Variants in SPMIP7 observed in about 807,000 individuals in gnomAD.
SPMIP7 encodes the protein sperm microtubule inner protein 7.
At chr7:50,106,920 G>A in the SPMIP7 span, among the ~76,000 whole-genome samples, 4 of 152,018 alleles carry the variant, frequency 2.6e-5, no homozygotes, top group African/African-American at 4.8e-5. Flanking sequence ...GGCCAACATA[G>A]CAAAACCCCA....
the SPMIP7 span, among the ~76,000 whole-genome samples, chr7:50,150,658 C>G: frequency 6.6e-6 from 1 of 152,228 alleles, no homozygotes; most frequent in Non-Finnish European, 1.5e-5. Context: ...TGTAAACCAA[C>G]TTGTGTGCTA....
chr7:50,115,241 G>C, the SPMIP7 span, among the ~76,000 whole-genome samples: 1 of 151,830 alleles, frequency 6.6e-6, no homozygotes, highest in Non-Finnish European at 1.5e-5. Context: ...AATAGGAAAG[G>C]GATCAATCCA....
chr7:50,130,731 T>A, the SPMIP7 span, among the ~76,000 whole-genome samples: 1 of 151,782 alleles, frequency 6.6e-6, no homozygotes, highest in Non-Finnish European at 1.5e-5. Context: ...CCTCCCCAGG[T>A]GCTGAGGGGT....
chr7:50,117,456 T>C, the SPMIP7 span: 1 of 259,292 alleles, frequency 3.9e-6, no homozygotes, highest in East Asian at 9.4e-5. Flanking sequence ...AGACAAACTC[T>C]GTATTTGTCA....
chr7:50,131,736 T>A, the SPMIP7 span, among the ~76,000 whole-genome samples: 1 of 152,204 alleles, frequency 6.6e-6, no homozygotes, highest in Admixed American at 6.6e-5. Flanking sequence ...ATTCACATCA[T>A]GCAAATAGGT....
the SPMIP7 span, chr7:50,140,007 C>CACA: frequency 0.014 from 8,996 of 624,360 alleles, 105 homozygotes; most frequent in Admixed American, 0.023. Context: ...TGTTTAAAAT[C>CACA]ACAAACCTTT....
At chr7:50,118,486 T>C in the SPMIP7 span, among the ~76,000 whole-genome samples, 1 of 152,232 alleles carries the variant, frequency 6.6e-6, no homozygotes, top group South Asian at 2.1e-4. Flanking sequence ...TATTCAATTG[T>C]CATTTTCAGT....
At chr7:50,129,917 C>A in the SPMIP7 span, 1 of 607,034 alleles carries the variant, frequency 1.6e-6, no homozygotes, top group Non-Finnish European at 2.9e-6. Context: ...CAAACGCAGA[C>A]ATTTACTGAT....
At chr7:50,134,273 G>T in the SPMIP7 span, 1 of 1,489,632 alleles carries the variant, frequency 6.7e-7, no homozygotes, top group South Asian at 1.3e-5. Context: ...GAACAATAAT[G>T]TATTTCTCAT....
At chr7:50,096,070 T>C in the SPMIP7 span, 18 of 1,441,918 alleles carry the variant, frequency 1.2e-5, no homozygotes, top group Non-Finnish European at 1.6e-5. Flanking sequence ...TATCAAAAAT[T>C]CTAAAGAAAA....
the SPMIP7 span, among the ~76,000 whole-genome samples, chr7:50,125,319 C>CATATATATACACACAT: frequency 5.8e-5 from 2 of 34,556 alleles, no homozygotes; most frequent in Admixed American, 3.9e-4. Flanking sequence ...CCCATATATA[C>CATATATATACACACAT]ATATATACAC....
At chr7:50,145,616 G>GTATATATATATATATATATA in the SPMIP7 span, among the ~76,000 whole-genome samples, 1 of 26,950 alleles carries the variant, frequency 3.7e-5, no homozygotes, top group African/African-American at 1.5e-4. Flanking sequence ...GTATATGTGT[G>GTATATATATATATATATATA]TGTATATATA....
the SPMIP7 span, chr7:50,141,340 C>T: frequency 5.2e-5 from 81 of 1,551,990 alleles, 1 homozygote; most frequent in African/African-American, 1.1e-3. Context: ...GACATCGCAT[C>T]GCTAGCCAAG....
chr7:50,098,526 A>T, the SPMIP7 span, among the ~76,000 whole-genome samples: 1 of 152,176 alleles, frequency 6.6e-6, no homozygotes, highest in African/African-American at 2.4e-5. Flanking sequence ...ACTTTGCATG[A>T]CAAAATACTA....
At chr7:50,159,107 G>C in the SPMIP7 span, 17 of 1,551,848 alleles carry the variant, frequency 1.1e-5, 1 homozygote, top group South Asian at 1.7e-4. Context: ...GTCTCGACTG[G>C]TCACAACTGT....
At chr7:50,107,621 T>C in the SPMIP7 span, among the ~76,000 whole-genome samples, 5 of 151,998 alleles carry the variant, frequency 3.3e-5, no homozygotes, top group African/African-American at 7.2e-5. Context: ...CTAGGAAATA[T>C]AGGCAGAAAA....
At chr7:50,136,105 G>A in the SPMIP7 span, 3 of 1,550,292 alleles carry the variant, frequency 1.9e-6, no homozygotes, top group Non-Finnish European at 2.6e-6. Flanking sequence ...TAGATGGTTG[G>A]TGAGCTCTGG....
At chr7:50,115,261 C>A in the SPMIP7 span, among the ~76,000 whole-genome samples, 12 of 152,074 alleles carry the variant, frequency 7.9e-5, no homozygotes, top group African/African-American at 2.9e-4. Context: ...ATAAAATGTA[C>A]ATAAAATGTA....
chr7:50,115,628 C>T, the SPMIP7 span, among the ~76,000 whole-genome samples: 1 of 151,942 alleles, frequency 6.6e-6, no homozygotes, highest in African/African-American at 2.4e-5. Context: ...AAAATAAAAA[C>T]ATATGTGCAC....
Sources: allele counts gnomAD v4.1 joint callset (sites outside exome capture counted in the v4.1 genomes callset), GRCh38; gene constraint gnomAD v4.1.1; transcripts MANE v1.5; gene names NCBI Gene and HGNC (gene_info 2026-07-23, HGNC 2026-07-21).